Variants in NTF3 observed in about 807,000 individuals in gnomAD.
The protein encoded by NTF3 is neurotrophin-3.
Under a neutral mutation model 26.3 loss-of-function variants are expected in NTF3, and 8 were observed. The ratio of observed to expected loss-of-function variants is 0.30; its 90% CI spans 0.18 to 0.55. The LOEUF is 0.55. Ranked by LOEUF, NTF3 falls within the 20% of genes least tolerant of loss-of-function variation. The pLI, the probability that NTF3 is intolerant of heterozygous loss-of-function variation, is 0.93. For missense variants in NTF3, 276 were observed against 352.9 expected, an observed-to-expected ratio of 0.78 and a Z score of 1.75; for synonymous variants, 154 against 145.5, an observed-to-expected ratio of 1.06 and a Z score of -0.42.
At chr12:5,455,091 C>A (rs1294724163) in intron 1 of NTF3, among the ~76,000 whole-genome samples, 2 of 152,142 alleles carry the variant, frequency 1.3e-5, no homozygotes, top group Non-Finnish European at 2.9e-5. Flanking sequence ...GCACTGGGCT[C>A]CGGCCTCCTG....
intron 1 of NTF3, among the ~76,000 whole-genome samples, chr12:5,491,151 C>G (rs1259338509): frequency 6.6e-6 from 1 of 152,204 alleles, no homozygotes; most frequent in Non-Finnish European, 1.5e-5. Context: ...AGACAGCTCA[C>G]TTCACCACAA....
At position 5,455,291 on chromosome 12, in the gene NTF3, A is replaced by C. The variant is rs74991625; in HGVS notation, c.18+22949A>C. ...TCATGATCCCCATTAGTATTCTTTG[A>C]CGATGGCATACATCTGTCTTCGATC... On this transcript the variant is annotated intron_variant, in intron 1 of 1. Coordinates refer to ENST00000423158, the MANE Select transcript of NTF3 (RefSeq NM_001102654.2). 5.2e-3 allele frequency among the ~76,000 whole-genome samples: 797 copies of C among 152,296 alleles called. 5 individuals are homozygous for C. Among genetic ancestry groups the C allele is most frequent in the African/African-American group, 0.017 (700 of 41,560 alleles).
At chr12:5,449,406 T>C (rs937503362) in intron 1 of NTF3, among the ~76,000 whole-genome samples, 4 of 152,266 alleles carry the variant, frequency 2.6e-5, no homozygotes, top group Admixed American at 6.5e-5. Flanking sequence ...TTTTGGAAAC[T>C]TCCCCTGTTC....
At position 5,494,959 on chromosome 12, in the gene NTF3, G is replaced by A; in HGVS notation, c.784G>A (p.Ala262Thr). The change falls in exon 2 of 2, where the codon GCC (alanine) becomes ACC (threonine). Residue 262 changes from alanine to threonine, a missense_variant. Around this residue, in one of 3 missense-constraint regions of NTF3, gnomAD observed 52 missense variants for 78.4 expected, o/e 0.66. Transcript: ENST00000423158. This position sits in a 1 kb window ranked among gnomAD's most constrained non-coding sequence, Gnocchi z 8.3. ...ACGGATAGACACGTCCTGTGTGTGT[G>A]CCTTGTCGAGAAAAATCGGAAGAAC... is the stretch of plus-strand genomic sequence containing the variant. ...WIRIDTSCVCALSRKIGRT is the reference protein window; with the variant it reads ...WIRIDTSCVCTLSRKIGRT 6.2e-7 allele frequency: 1 copy of A among 1,614,052 alleles called. No homozygotes were observed. Among genetic ancestry groups the A allele is most frequent in the Non-Finnish European group, 8.5e-7 (1 of 1,180,016 alleles).
chr12:5,472,642 G>A (rs912159820), intron 1 of NTF3, among the ~76,000 whole-genome samples: 2 of 152,112 alleles, frequency 1.3e-5, no homozygotes, highest in Admixed American at 6.6e-5. Context: ...ACAATGCCGG[G>A]TGACAAGGAG....
chr12:5,481,380 A>C (rs900418374), intron 1 of NTF3, among the ~76,000 whole-genome samples: 6 of 76,764 alleles, frequency 7.8e-5, no homozygotes, highest in African/African-American at 2.9e-4. Context: ...GCAGACACAC[A>C]CACCAAACAG....
Position 5,483,301 on chromosome 12 carries a change from C to T in NTF3, c.19-10893C>T, listed in dbSNP as rs531658739. ...CTTTCTGTTTCGCCACTTTGCAGTC[C>T]GACCCGTGGGGCTTGCAGACCCTCT... is the stretch of plus-strand genomic sequence containing the variant. On this transcript the variant is annotated intron_variant, in intron 1 of 1. Transcript: ENST00000423158. 2.6e-5 allele frequency among the ~76,000 whole-genome samples: 4 copies of T among 152,224 alleles called. No homozygotes were observed. In the South Asian group the frequency reaches 6.2e-4, roughly 24 times the overall value.
rs145083773 is a variant in NTF3 at position 5,441,986 on chromosome 12, G to A, written c.18+9644G>A. ...TGCATACGCATTAGGATAACTCCTCGTTAGACACTCGGAAAGCAACTCAAA... is the reference window on the plus strand; with the variant it reads ...TGCATACGCATTAGGATAACTCCTCATTAGACACTCGGAAAGCAACTCAAA... On this transcript the variant is annotated intron_variant, in intron 1 of 1. Coordinates refer to ENST00000423158, the MANE Select transcript of NTF3 (RefSeq NM_001102654.2). Among the ~76,000 whole-genome samples, 704 of 152,300 alleles carry A rather than the reference G, an allele frequency of 4.6e-3. 6 individuals carry two copies. Among genetic ancestry groups the A allele is most frequent in the Non-Finnish European group, 5.3e-3 (358 of 68,030 alleles).
At chr12:5,446,118 T>C (rs1940302322) in intron 1 of NTF3, among the ~76,000 whole-genome samples, 1 of 152,118 alleles carries the variant, frequency 6.6e-6, no homozygotes, top group African/African-American at 2.4e-5. Flanking sequence ...AACCAGATAT[T>C]ATACCAGGCA....
At chr12:5,491,543 A>G (rs1018123241) in intron 1 of NTF3, among the ~76,000 whole-genome samples, 1 of 151,962 alleles carries the variant, frequency 6.6e-6, no homozygotes, top group African/African-American at 2.4e-5. Flanking sequence ...GGCACTGAAA[A>G]ACGGGTGAAA....
intron 1 of NTF3, among the ~76,000 whole-genome samples, chr12:5,443,160 G>A (rs528197086): frequency 1.5e-4 from 23 of 152,306 alleles, no homozygotes; most frequent in African/African-American, 5.5e-4. Flanking sequence ...GGAACCTGGA[G>A]GGCCTGAGGT....
intron 1 of NTF3, among the ~76,000 whole-genome samples, chr12:5,458,649 A>C (rs968646804): frequency 6.6e-6 from 1 of 152,200 alleles, no homozygotes; most frequent in African/African-American, 2.4e-5. Context: ...GGCACTATGA[A>C]TTCCCAGAAC....
intron 1 of NTF3, among the ~76,000 whole-genome samples, chr12:5,489,277 C>T (rs1940905159): frequency 6.6e-6 from 1 of 152,238 alleles, no homozygotes; most frequent in Non-Finnish European, 1.5e-5. Flanking sequence ...AGAGCTGAGG[C>T]TTCTTGGGGA....
chr12:5,432,384 G>A, intron 1 of NTF3, 42 bp downstream of exon 1: 1 of 1,587,332 alleles, frequency 6.3e-7, no homozygotes, highest in Non-Finnish European at 8.6e-7. Context: ...CAGGTTTGGG[G>A]ATGGGGGTCC....
intron 1 of NTF3, among the ~76,000 whole-genome samples, chr12:5,474,673 G>T (rs146656208): frequency 6.2e-4 from 95 of 152,308 alleles, no homozygotes; most frequent in African/African-American, 2.2e-3. Context: ...TCCAGTGCGG[G>T]GAAGAAATGA....
chr12:5,459,455 T>G (rs1243583376), intron 1 of NTF3, among the ~76,000 whole-genome samples: 1 of 152,146 alleles, frequency 6.6e-6, no homozygotes, highest in Non-Finnish European at 1.5e-5. Context: ...CACACTGCAC[T>G]CCCTCCTTCC....
chr12:5,485,593 G>A (rs561429014), intron 1 of NTF3, among the ~76,000 whole-genome samples: 3 of 152,342 alleles, frequency 2.0e-5, no homozygotes, highest in African/African-American at 7.2e-5. Context: ...ATAAATGTGA[G>A]CTGTTATTAC....
At chr12:5,432,045 C>A, upstream of NTF3, 1 of 308,398 alleles carries the variant, frequency 3.2e-6, no homozygotes, top group Non-Finnish European at 6.2e-6. Flanking sequence ...GGGGTTAAGG[C>A]GCTGAGCGCG....
intron 1 of NTF3, among the ~76,000 whole-genome samples, chr12:5,472,652 G>A (rs372208078): frequency 1.3e-5 from 2 of 152,150 alleles, no homozygotes; most frequent in East Asian, 1.9e-4. Context: ...GTGACAAGGA[G>A]GGTTTTCAAG....
Sources: allele counts gnomAD v4.1 joint callset (sites outside exome capture counted in the v4.1 genomes callset), GRCh38; gene constraint gnomAD v4.1.1; regional missense constraint gnomAD v4.1.1; non-coding constraint Gnocchi (gnomAD v3.1); transcripts MANE v1.5; gene names NCBI Gene and HGNC (gene_info 2026-07-23, HGNC 2026-07-21).